SH3D19: variants seen among roughly 807,000 people sequenced by gnomAD.
SH3D19 encodes the protein SH3 domain containing 19, also known as SH3 domain-containing protein 19.
In SH3D19, 58 loss-of-function variants were observed where a neutral mutation model predicts 112.1. The observed-to-expected ratio is 0.52, with a 90% confidence interval of 0.42 to 0.64. SH3D19 has a LOEUF of 0.64. Among genes scored for constraint, SH3D19 ranks in the 30% least tolerant of loss-of-function variants. SH3D19 has a pLI of 0.00. For missense variants in SH3D19, 1,090 were observed against 1,263.4 expected, an observed-to-expected ratio of 0.86 and a Z score of 2.08; for synonymous variants, 391 against 448.5, an observed-to-expected ratio of 0.87 and a Z score of 1.62.
intron 2 of SH3D19, among the ~76,000 whole-genome samples, chr4:151,195,096 C>T (rs1038563833): frequency 1.1e-4 from 16 of 140,598 alleles, no homozygotes; most frequent in African/African-American, 3.3e-4. Context: ...AAAGGTTGGG[C>T]GCGGTGGCTC....
At position 151,322,500 on chromosome 4, in the gene SH3D19, C is replaced by CAAAA. The variant is rs11420449; in HGVS notation, c.112+2737_112+2740dup. On this transcript the variant is annotated intron_variant, in intron 1 of 19. Transcript: ENST00000604030. ...AGTACTTGATTGCCTATAATTCTGC[C>CAAAA]AAAAAAAAAAAAAAAATTCAACTGA... Among the ~76,000 whole-genome samples, 120 of 122,632 alleles carry CAAAA rather than the reference C, an allele frequency of 9.8e-4. 2 individuals are homozygous for CAAAA. Among genetic ancestry groups the CAAAA allele is most frequent in the African/African-American group, 2.7e-3 (88 of 33,000 alleles). 80.5% of individuals were successfully genotyped at this position (122,632 alleles called of 152,430 possible).
intron 1 of SH3D19, among the ~76,000 whole-genome samples, chr4:151,322,205 T>C (rs566273219): frequency 5.3e-5 from 8 of 151,846 alleles, no homozygotes; most frequent in Non-Finnish European, 8.8e-5. Flanking sequence ...TTCCAGCACT[T>C]TGGGAGGCTG....
At chr4:151,260,843 A>G (rs574217903) in intron 1 of SH3D19, among the ~76,000 whole-genome samples, 41 of 152,182 alleles carry the variant, frequency 2.7e-4, no homozygotes, top group Non-Finnish European at 5.9e-4. Context: ...GAATGCTTTT[A>G]TCGATCTTAA....
chr4:151,287,632 G>A (rs1342269727), intron 1 of SH3D19, among the ~76,000 whole-genome samples: 1 of 151,996 alleles, frequency 6.6e-6, no homozygotes, highest in East Asian at 1.9e-4. Context: ...GGTGACTCAA[G>A]CCTTGTAATC....
rs756336409 is a variant in SH3D19, at chr4:151,291,439, C to T, written c.112+33802G>A. ...GGAAGAGAATGCATGGAGATTTAGT[C>T]CCAGGGGCAGATAACTCACAGGAGA... On this transcript the variant is annotated intron_variant, in intron 1 of 19. Transcript: ENST00000604030. 7 of 1,608,572 alleles carry T rather than the reference C, an allele frequency of 4.4e-6. No homozygotes were observed. In the East Asian group the frequency reaches 1.3e-4, roughly 31 times the overall value.
chr4:151,121,507 A>G lies in SH3D19; in HGVS notation c.*584T>C, dbSNP rs1747972464. On this transcript the variant is annotated 3_prime_UTR_variant, in exon 20 of 20. Transcript: ENST00000604030. The stretch of plus-strand genomic sequence containing the variant: ...ATGGGAATCACTTGGTAACATAAAG[A>G]TTATTTTGGTGGGCAGGGGCTGATT... The G allele has an allele frequency of 6.6e-6, 1 of 152,436 alleles. No individual in the cohort carries two copies. The highest frequency in any genetic ancestry group is 6.6e-5 in the Admixed American group (1 of 15,252). The allele number at this position is 152,436 out of a possible 1,614,324, so 9.4% of individuals were successfully genotyped here. A position where few individuals can be genotyped will look rare whatever the true frequency, so the allele number is the denominator to read the frequency against.
intron 17 of SH3D19, among the ~76,000 whole-genome samples, chr4:151,128,816 T>C (rs924924702): frequency 6.6e-6 from 1 of 152,102 alleles, no homozygotes. Flanking sequence ...TTTAATTTTA[T>C]TTTATTTTTG....
At chr4:151,214,194 C>A (rs566653054) in intron 2 of SH3D19, among the ~76,000 whole-genome samples, 7 of 152,158 alleles carry the variant, frequency 4.6e-5, no homozygotes, top group African/African-American at 1.7e-4. Flanking sequence ...GGTAAGGTCA[C>A]AGATCAACAG....
At chr4:151,256,477 C>G (rs1199541030) in intron 1 of SH3D19, among the ~76,000 whole-genome samples, 1 of 152,166 alleles carries the variant, frequency 6.6e-6, no homozygotes, top group African/African-American at 2.4e-5. Context: ...ATTAGTTTCA[C>G]TCTTCACAGA....
At chr4:151,320,090 CG>C (rs749371609) in intron 1 of SH3D19, among the ~76,000 whole-genome samples, 31 of 152,144 alleles carry the variant, frequency 2.0e-4, no homozygotes, top group Non-Finnish European at 4.0e-4. Flanking sequence ...CCTGGTACAC[CG>C]TGAACACAGT....
chr4:151,273,441 T>G (rs1397072314), intron 1 of SH3D19, among the ~76,000 whole-genome samples: 1 of 151,610 alleles, frequency 6.6e-6, no homozygotes, highest in East Asian at 1.9e-4. Flanking sequence ...ATACAAAAAA[T>G]TAGCTGGGCG....
At chr4:151,245,736 G>T (rs1415670295) in intron 1 of SH3D19, among the ~76,000 whole-genome samples, 1 of 152,102 alleles carries the variant, frequency 6.6e-6, no homozygotes, top group Non-Finnish European at 1.5e-5. Context: ...TGAGTAGCTG[G>T]GATTACAGGC....
In SH3D19 at chr4:151,325,428, GC is replaced by G; in HGVS notation, c.-77del. The G allele has an allele frequency of 2.7e-6, 2 of 730,372 alleles. No homozygotes were observed. Among genetic ancestry groups the G allele is most frequent in the Non-Finnish European group, 3.7e-6 (2 of 545,560 alleles). 45.2% of individuals were successfully genotyped at this position (730,372 alleles called of 1,614,324 possible). A position where few individuals can be genotyped will look rare whatever the true frequency, so the allele number is the denominator to read the frequency against. ...GCGCCCCAGAACGCCTGCACCCGGC[GC>G]CCCACGCCACCGCCCTCGGGCCGGG... On this transcript the variant is annotated 5_prime_UTR_variant, in exon 1 of 20. Transcript: ENST00000604030.
At chr4:151,292,825 C>T (rs1321328192) in intron 1 of SH3D19, among the ~76,000 whole-genome samples, 5 of 152,090 alleles carry the variant, frequency 3.3e-5, no homozygotes, top group African/African-American at 1.2e-4. Flanking sequence ...TACATTTTGG[C>T]TTACTTTAAG....
Position 151,146,315 on chromosome 4 carries a change from A to T in SH3D19, c.2082+1607T>A, listed in dbSNP as rs185343213. Reference sequence around the variant, plus strand: ...TCATTTTTATTTTATTTTTTTTTTTAAAAAAGAGTCTCATTCTGTCACCCA... The same window carrying T: ...TCATTTTTATTTTATTTTTTTTTTTTAAAAAGAGTCTCATTCTGTCACCCA... On this transcript the variant is annotated intron_variant, in intron 11 of 19. Coordinates refer to ENST00000604030, the MANE Select transcript of SH3D19 (RefSeq NM_001378122.1). Among the ~76,000 whole-genome samples the T allele has an allele frequency of 6.6e-3, 1,004 of 151,566 alleles. 9 individuals carry two copies. Among genetic ancestry groups the T allele is most frequent in the African/African-American group, 0.022 (931 of 41,386 alleles).
intron 3 of SH3D19, among the ~76,000 whole-genome samples, chr4:151,180,617 A>G (rs559334350): frequency 6.6e-6 from 1 of 151,720 alleles, no homozygotes; most frequent in East Asian, 2.0e-4. Context: ...CGTGTTAGCC[A>G]GGATGGTCTC....
In SH3D19 at chr4:151,254,076, AG is replaced by A. The variant is rs1771616859; in HGVS notation, c.113-27991del. 2.0e-5 allele frequency among the ~76,000 whole-genome samples: 3 copies of A among 152,208 alleles called. No homozygotes were observed. The South Asian group carries it at 6.2e-4, about 32-fold the overall frequency. On this transcript the variant is annotated intron_variant, in intron 1 of 19. Transcript: ENST00000604030. ...AATTAGTTAAGCCATTTAACCTCCAAGGGCCTCAGTTTCCTCATCTATAAAG... is the reference window on the plus strand; with the variant it reads ...AATTAGTTAAGCCATTTAACCTCCAAGGCCTCAGTTTCCTCATCTATAAAG...
At chr4:151,204,980 C>T (rs1023845851) in intron 2 of SH3D19, among the ~76,000 whole-genome samples, 4 of 152,012 alleles carry the variant, frequency 2.6e-5, no homozygotes. Flanking sequence ...ACCACCACAC[C>T]TGGCTAATTT....
At chr4:151,170,167 A>G (rs566199300) in intron 7 of SH3D19, among the ~76,000 whole-genome samples, 5 of 152,334 alleles carry the variant, frequency 3.3e-5, no homozygotes, top group African/African-American at 1.2e-4. Context: ...AAGGCTGCAT[A>G]CTTTGTTCAC....
Sources: gnomAD v4.1 joint callset for allele counts (sites outside exome capture counted in the v4.1 genomes callset) on GRCh38, gnomAD v4.1.1 for gene constraint, MANE v1.5 for transcripts, NCBI Gene and HGNC (gene_info 2026-07-23, HGNC 2026-07-21) for gene names.